CELA1: variants seen among roughly 807,000 people sequenced by gnomAD.
The protein encoded by CELA1 is chymotrypsin-like elastase family member 1.
Under a neutral mutation model 34.8 loss-of-function variants are expected in CELA1, and 28 were observed. The ratio of observed to expected loss-of-function variants is 0.80; its 90% CI spans 0.60 to 1.10. The LOEUF (loss-of-function observed/expected upper bound fraction) is 1.10, where lower values mean the gene tolerates loss of function less well. Among genes scored for constraint, CELA1 ranks in the 50% least tolerant of loss-of-function variants. CELA1 has a pLI of 0.00. For missense variants in CELA1, 288 were observed against 327.5 expected, an observed-to-expected ratio of 0.88 and a Z score of 0.93; for synonymous variants, 140 against 129.8, an observed-to-expected ratio of 1.08 and a Z score of -0.53.
intron 6 of CELA1, among the ~76,000 whole-genome samples, chr12:51,333,849 T>C (rs1246621447): frequency 6.6e-6 from 1 of 152,212 alleles, no homozygotes; most frequent in Non-Finnish European, 1.5e-5. Flanking sequence ...AGAGGAATGA[T>C]AGATAAATGA....
chr12:51,341,081 G>GTTA (rs753191385), intron 5 of CELA1, among the ~76,000 whole-genome samples, 163 bp downstream of exon 5: 48 of 152,148 alleles, frequency 3.2e-4, no homozygotes, highest in Admixed American at 2.1e-3. Flanking sequence ...CTACTTCACA[G>GTTA]CCCATTCTTA....
intron 3 of CELA1, among the ~76,000 whole-genome samples, chr12:51,343,205 AG>A (rs1302920031): frequency 1.3e-5 from 2 of 152,174 alleles, no homozygotes; most frequent in Non-Finnish European, 2.9e-5. Flanking sequence ...ATAGACTTTT[AG>A]GCTAGTTGTT....
At chr12:51,345,163 C>G (rs965599607) in intron 2 of CELA1, among the ~76,000 whole-genome samples, 1 of 151,938 alleles carries the variant, frequency 6.6e-6, no homozygotes, top group Non-Finnish European at 1.5e-5. Context: ...TTGTTTTTAT[C>G]AGTTCATGTC....
At chr12:51,336,504 G>A (rs1346873562) in intron 6 of CELA1, among the ~76,000 whole-genome samples, 1 of 152,186 alleles carries the variant, frequency 6.6e-6, no homozygotes, top group Non-Finnish European at 1.5e-5. Flanking sequence ...GCACATGCCT[G>A]TAATCCCGGC....
chr12:51,343,826 A>G lies in CELA1; in HGVS notation c.127T>C (p.Ser43Pro). The G allele has an allele frequency of 6.2e-7, 1 of 1,605,576 alleles. No homozygotes were observed. Among genetic ancestry groups the G allele is most frequent in the South Asian group, 1.1e-5 (1 of 90,506 alleles). ...QISLQYRSGG[S>P]RYHTCGGTLI... ...GTCCCTCCACAGGTGTGATACCGGG[A>G]ACCTCCAGACCGGTACTGGAGGGAA... Residue 43 changes from serine to proline, a missense_variant, in exon 3 of 8, where the codon TCC becomes CCC. Coordinates refer to ENST00000293636, the MANE Select transcript of CELA1 (RefSeq NM_001971.6).
chr12:51,333,201 TCTC>T (rs1479942206), intron 6 of CELA1, among the ~76,000 whole-genome samples: 1 of 151,812 alleles, frequency 6.6e-6, no homozygotes, highest in African/African-American at 2.4e-5. Flanking sequence ...TTCAAGCAGT[TCTC>T]CTGCCTCAGC....
At chr12:51,339,404 T>C (rs1356317770) in intron 6 of CELA1, among the ~76,000 whole-genome samples, 1 of 152,024 alleles carries the variant, frequency 6.6e-6, no homozygotes, top group Non-Finnish European at 1.5e-5. Context: ...TACAAAAAAT[T>C]AGCCGGGCGT....
chr12:51,328,632 C>T (rs1946450586), intron 7 of CELA1, 38 bp from the exon 8 acceptor site: 1 of 1,612,124 alleles, frequency 6.2e-7, no homozygotes, highest in Non-Finnish European at 8.5e-7. Flanking sequence ...TCAGTAACTC[C>T]TGCCTACCTC....
Position 51,339,950 on chromosome 12 carries a change from G to A in CELA1, c.519C>T (p.Tyr173=), listed in dbSNP as rs17860317. The part of the protein sequence containing the change: ...LQQAYLPSVD[Y]AICSSSSYWG... ...AGTAGGAGGAGCTGGAGCAGATGGC[G>A]TAGTCCACAGAGGGCAGGTAAGCCT... is the stretch of plus-strand genomic sequence containing the variant. The change falls in exon 6 of 8, where the codon TAC becomes TAT. Residue 173 remains tyrosine (Y), a synonymous_variant. Coordinates refer to ENST00000293636, the MANE Select transcript of CELA1 (RefSeq NM_001971.6). The A allele has an allele frequency of 0.14, 217,960 of 1,613,470 alleles. 19,144 individuals are homozygous for A. Among genetic ancestry groups the A allele is most frequent in the East Asian group, 0.39 (17,499 of 44,828 alleles).
intron 6 of CELA1, among the ~76,000 whole-genome samples, chr12:51,330,969 CAAAA>C (rs201798953): frequency 2.5e-5 from 2 of 79,456 alleles, no homozygotes; most frequent in Non-Finnish European, 2.3e-5. Flanking sequence ...GACTCTGTCT[CAAAA>C]AAAAAAAAAA....
At chr12:51,337,325 A>G (rs1250853899) in intron 6 of CELA1, among the ~76,000 whole-genome samples, 3 of 152,170 alleles carry the variant, frequency 2.0e-5, no homozygotes, top group African/African-American at 7.2e-5. Flanking sequence ...GCTTGAGGCC[A>G]GGAGTTCAAG....
rs757118535 is a variant in CELA1 at position 51,341,354 on chromosome 12, GC to G, written c.352del (p.Ala118ProfsTer69). On this transcript the variant is annotated frameshift_variant, in exon 5 of 8. Coordinates refer to ENST00000293636, the MANE Select transcript of CELA1 (RefSeq NM_001971.6). LOFTEE classifies it high-confidence loss of function. The part of the protein sequence containing the change: ...AGYDIALLRL[A>X]QSVTLNSYVQ... The stretch of plus-strand genomic sequence containing the variant: ...ATAGCTATTGAGGGTAACGCTCTGG[GC>G]CAGGCGCAGCAGGGCGATGTCATAG... The G allele has an allele frequency of 2.5e-6, 4 of 1,614,138 alleles. No individual in the cohort carries two copies. Among genetic ancestry groups the G allele is most frequent in the Non-Finnish European group, 3.4e-6 (4 of 1,180,020 alleles).
At chr12:51,332,120 G>GGCTGC (rs977913977) in intron 6 of CELA1, among the ~76,000 whole-genome samples, 2 of 151,506 alleles carry the variant, frequency 1.3e-5, no homozygotes, top group African/African-American at 4.9e-5. Context: ...AGAAATTCAA[G>GGCTGC]GCTGCAGTGA....
intron 6 of CELA1, among the ~76,000 whole-genome samples, chr12:51,339,599 A>G (rs908443586): frequency 6.6e-5 from 10 of 152,206 alleles, no homozygotes; most frequent in African/African-American, 2.4e-4. Flanking sequence ...ACATATACCA[A>G]CAACAACATA....
At position 51,342,692 on chromosome 12, in the gene CELA1, GTCT is replaced by G; in HGVS notation, c.206_208del (p.Lys69del). 1 of 1,614,130 alleles carries G rather than the reference GTCT, an allele frequency of 6.2e-7. No homozygotes were observed. The highest frequency in any genetic ancestry group is 8.5e-7 in the Non-Finnish European group (1 of 1,179,990). On this transcript the variant is annotated inframe_deletion, in exon 4 of 8. Transcript: ENST00000293636. ...ATGGTCTCCAGCCACCACGCGGAAA[GTCT>G]TCTGGCTGGCGTGAGAGAAGGAATC... is the stretch of plus-strand genomic sequence containing the variant.
chr12:51,343,377 G>A (rs1946549225), intron 3 of CELA1, among the ~76,000 whole-genome samples: 1 of 152,150 alleles, frequency 6.6e-6, no homozygotes, highest in Non-Finnish European at 1.5e-5. Flanking sequence ...GCTCAAATGT[G>A]AAAACCATTG....
intron 6 of CELA1, among the ~76,000 whole-genome samples, chr12:51,334,893 C>T (rs897583381): frequency 4.6e-5 from 7 of 152,182 alleles, no homozygotes; most frequent in Non-Finnish European, 8.8e-5. Context: ...TCCATGTGGT[C>T]GTAGTCTGGT....
chr12:51,329,627 G>A, intron 7 of CELA1, 57 bp downstream of exon 7: 1 of 1,486,372 alleles, frequency 6.7e-7, no homozygotes, highest in East Asian at 2.4e-5. Context: ...CCCCAACCCA[G>A]CCAGTGCGTA....
rs1244757095 is a variant in CELA1 at position 51,332,816 on chromosome 12, G to A, written c.610-2983C>T. Among the ~76,000 whole-genome samples, 11 of 152,048 alleles carry A rather than the reference G, an allele frequency of 7.2e-5. 1 individual carries two copies. Among genetic ancestry groups the A allele is most frequent in the Middle Eastern group, 6.3e-3 (2 of 316 alleles). ...GGAGGTTGCAGTGAGCTGAGATCACGCTACCGTACTCCAGCCTGGGCAACA... is the reference window on the plus strand; with the variant it reads ...GGAGGTTGCAGTGAGCTGAGATCACACTACCGTACTCCAGCCTGGGCAACA... On this transcript the variant is annotated intron_variant, in intron 6 of 7. Coordinates refer to ENST00000293636, the MANE Select transcript of CELA1 (RefSeq NM_001971.6).
Sources: allele counts gnomAD v4.1 joint callset (sites outside exome capture counted in the v4.1 genomes callset), GRCh38; gene constraint gnomAD v4.1.1; transcripts MANE v1.5; gene names NCBI Gene and HGNC (gene_info 2026-07-23, HGNC 2026-07-21).